CPNE4: variants seen among roughly 807,000 people sequenced by gnomAD.
CPNE4 encodes copine-4.
CPNE4 carries 25 observed loss-of-function variants against 67.9 expected under a neutral mutation model. The ratio of observed to expected loss-of-function variants is 0.37; its 90% confidence interval spans 0.27 to 0.51. CPNE4 has a LOEUF of 0.51. Ranked by LOEUF, CPNE4 falls within the 20% of genes least tolerant of loss-of-function variation. The probability of loss-of-function intolerance (pLI) is 0.93; values close to 1 mark genes in which losing one functional copy is unlikely to be tolerated. For missense variants in CPNE4, 464 were observed against 690.8 expected, an observed-to-expected ratio of 0.67 and a Z score of 3.68; for synonymous variants, 242 against 244.9, an observed-to-expected ratio of 0.99 and a Z score of 0.11.
intron 2 of CPNE4, among the ~76,000 whole-genome samples, chr3:131,854,659 C>T (rs1427424685): frequency 6.6e-6 from 1 of 151,868 alleles, no homozygotes; most frequent in Non-Finnish European, 1.5e-5. Context: ...ATTATCCATT[C>T]TATTACCAAA....
intron 1 of CPNE4, among the ~76,000 whole-genome samples, chr3:132,000,039 C>T (rs913463881): frequency 2.5e-4 from 24 of 96,968 alleles, no homozygotes; most frequent in African/African-American, 1.0e-3. Flanking sequence ...TGCCCCTATA[C>T]TGAAGGAAAT....
chr3:131,760,615 G>A (rs142115246), intron 2 of CPNE4, among the ~76,000 whole-genome samples: 1 of 152,014 alleles, frequency 6.6e-6, no homozygotes, highest in Non-Finnish European at 1.5e-5. Flanking sequence ...CACCCTTATG[G>A]TACAGGGTAC....
chr3:131,658,854 C>G (rs1180967188), intron 7 of CPNE4, among the ~76,000 whole-genome samples: 1 of 152,132 alleles, frequency 6.6e-6, no homozygotes, highest in Non-Finnish European at 1.5e-5. Context: ...AAAAAAAGCC[C>G]AGGATGGCTG....
At chr3:131,990,586 G>T (rs1227783442) in intron 1 of CPNE4, among the ~76,000 whole-genome samples, 1 of 135,900 alleles carries the variant, frequency 7.4e-6, no homozygotes. Flanking sequence ...AATACGTATA[G>T]AATAAAATAT....
intron 7 of CPNE4, among the ~76,000 whole-genome samples, chr3:131,588,289 G>A (rs1326602714): frequency 1.3e-5 from 2 of 152,278 alleles, no homozygotes; most frequent in East Asian, 1.9e-4. Context: ...ACTTTTTAGA[G>A]TGACTAGACT....
At chr3:131,568,075 AAATAG>A (rs2107671158) in intron 10 of CPNE4, among the ~76,000 whole-genome samples, 1 of 152,106 alleles carries the variant, frequency 6.6e-6, no homozygotes, top group South Asian at 2.1e-4. Context: ...ATGAAAAAGG[AAATAG>A]GCTTATGATT....
intron 2 of CPNE4, among the ~76,000 whole-genome samples, chr3:131,726,768 C>T (rs1248883595): frequency 6.6e-6 from 1 of 152,062 alleles, no homozygotes. Flanking sequence ...TTTCCTAACC[C>T]CAGGTCATTC....
intron 2 of CPNE4, among the ~76,000 whole-genome samples, chr3:131,890,983 A>G (rs946324062): frequency 6.6e-6 from 1 of 152,122 alleles, no homozygotes; most frequent in African/African-American, 2.4e-5. Context: ...TAATTGCAAA[A>G]TTACAGTAAT....
At chr3:132,001,712 T>C (rs1280091291) in intron 1 of CPNE4, among the ~76,000 whole-genome samples, 1 of 151,970 alleles carries the variant, frequency 6.6e-6, no homozygotes, top group East Asian at 1.9e-4. Flanking sequence ...CTGCATGAGG[T>C]GAATAAAAGA....
intron 1 of CPNE4, among the ~76,000 whole-genome samples, chr3:131,947,171 G>A (rs2071575881): frequency 1.3e-5 from 2 of 152,012 alleles, no homozygotes; most frequent in South Asian, 4.2e-4. Context: ...GGCTATTTGG[G>A]GGCACTGCAA....
At chr3:132,029,518 C>CT (rs1250546893) in intron 1 of CPNE4, among the ~76,000 whole-genome samples, 7 of 152,274 alleles carry the variant, frequency 4.6e-5, no homozygotes, top group Non-Finnish European at 7.4e-5. Context: ...CTAGTCCGTC[C>CT]TTCTAGACTC....
intron 14 of CPNE4, among the ~76,000 whole-genome samples, chr3:131,547,794 T>G (rs752919158): frequency 6.6e-6 from 1 of 152,152 alleles, no homozygotes; most frequent in African/African-American, 2.4e-5. Flanking sequence ...AAGAACATGA[T>G]GTAATGAACA....
At chr3:131,767,991 A>ATT (rs2083066000) in intron 2 of CPNE4, among the ~76,000 whole-genome samples, 1 of 152,020 alleles carries the variant, frequency 6.6e-6, no homozygotes, top group African/African-American at 2.4e-5. Context: ...TAACATAGAG[A>ATT]TTATAAAAAG....
chr3:131,943,742 C>G (rs981715626), intron 1 of CPNE4, among the ~76,000 whole-genome samples: 1 of 152,050 alleles, frequency 6.6e-6, no homozygotes, highest in Admixed American at 6.6e-5. Flanking sequence ...TCGTATCTCC[C>G]CTACTTTCTT....
intron 2 of CPNE4, among the ~76,000 whole-genome samples, chr3:131,751,764 G>GTTTTTT (rs61336816): frequency 1.4e-5 from 2 of 145,172 alleles, no homozygotes; most frequent in East Asian, 4.0e-4. Flanking sequence ...CTGTTTAGCT[G>GTTTTTT]TTTTTTTTTT....
intron 1 of CPNE4, among the ~76,000 whole-genome samples, chr3:131,976,603 C>T (rs1196386929): frequency 6.6e-6 from 1 of 151,888 alleles, no homozygotes; most frequent in Non-Finnish European, 1.5e-5. Context: ...TTAAGGGAAG[C>T]TCAGGGGGAG....
At chr3:131,695,746 A>T (rs896865718) in intron 5 of CPNE4, among the ~76,000 whole-genome samples, 1 of 152,208 alleles carries the variant, frequency 6.6e-6, no homozygotes, top group Non-Finnish European at 1.5e-5. Flanking sequence ...GCAGTCTGTG[A>T]TGGTTTCATA....
intron 1 of CPNE4, among the ~76,000 whole-genome samples, chr3:131,979,312 T>A (rs967725458): frequency 6.6e-6 from 1 of 152,212 alleles, no homozygotes; most frequent in Non-Finnish European, 1.5e-5. Context: ...ATTGTGTTGC[T>A]GTCTATCTCA....
chr3:131,633,068 T>A (rs916863672), intron 7 of CPNE4, among the ~76,000 whole-genome samples: 5 of 152,324 alleles, frequency 3.3e-5, no homozygotes, highest in Admixed American at 1.3e-4. Flanking sequence ...CCATCTCAGC[T>A]AATAGTATCT....
Sources: gnomAD v4.1 joint callset for allele counts (sites outside exome capture counted in the v4.1 genomes callset) on GRCh38, gnomAD v4.1.1 for gene constraint, MANE v1.5 for transcripts, NCBI Gene and HGNC (gene_info 2026-07-23, HGNC 2026-07-21) for gene names.